The following DCAF5 variants were observed in gnomAD, a reference collection of about 807,000 sequenced individuals.
The protein encoded by DCAF5 is DDB1- and CUL4-associated factor 5.
In DCAF5, 9 loss-of-function variants were observed where a neutral mutation model predicts 80.7. The observed-to-expected ratio is 0.11, with a 90% CI of 0.07 to 0.19. The LOEUF is 0.19. Ranked by LOEUF, DCAF5 falls within the 10% of genes least tolerant of loss-of-function variation. DCAF5 has a pLI of 1.00. For missense variants in DCAF5, 842 were observed against 1,205.7 expected, an observed-to-expected ratio of 0.70 and a Z score of 4.47; for synonymous variants, 433 against 461.9, an observed-to-expected ratio of 0.94 and a Z score of 0.80.
At chr14:69,067,228 G>GTAT (rs1029674880) in intron 7 of DCAF5, among the ~76,000 whole-genome samples, 2 of 151,346 alleles carry the variant, frequency 1.3e-5, no homozygotes, top group Admixed American at 6.6e-5. Context: ...AGATGTGAGT[G>GTAT]TATTAGATGG....
chr14:69,055,315 A>C lies in DCAF5; in HGVS notation c.1371T>G (p.Thr457=). 6.2e-7 allele frequency: 1 copy of C among 1,614,176 alleles called. No homozygotes were observed. Among genetic ancestry groups the C allele is most frequent in the Non-Finnish European group, 8.5e-7 (1 of 1,180,028 alleles). ...GCAATGAGGCCGAAGACTCTGAGTC[A>C]GTGTAGCCTGAGCGCTCGCTGACCC... ...HAGVSERSGY[T]DSESSASLPR... Residue 457 remains threonine (T), a synonymous_variant, in exon 9 of 9, where the codon ACT becomes ACG. Coordinates refer to ENST00000341516, the MANE Select transcript of DCAF5 (RefSeq NM_003861.3). This position sits in a 1 kb window ranked among gnomAD's most constrained non-coding sequence, Gnocchi z 5.6.
chr14:69,105,909 A>G (rs1366951433), intron 5 of DCAF5, among the ~76,000 whole-genome samples: 1 of 89,486 alleles, frequency 1.1e-5, no homozygotes, highest in Non-Finnish European at 2.4e-5. Flanking sequence ...TCCCTAATAA[A>G]CTGTCATATA....
chr14:69,127,465 A>G (rs1275408), intron 1 of DCAF5, among the ~76,000 whole-genome samples: 37,092 of 152,140 alleles, frequency 0.24, 5,867 homozygotes, highest in Middle Eastern at 0.43. Flanking sequence ...CAAAAAGATC[A>G]CTAATTGCCA....
At chr14:69,117,481 C>T (rs920973909) in intron 4 of DCAF5, among the ~76,000 whole-genome samples, 1 of 152,170 alleles carries the variant, frequency 6.6e-6, no homozygotes, top group Non-Finnish European at 1.5e-5. Context: ...ACAATCTGCA[C>T]TAAAGGCCAC....
At chr14:69,114,430 T>C (rs1314387627) in intron 5 of DCAF5, among the ~76,000 whole-genome samples, 1 of 152,138 alleles carries the variant, frequency 6.6e-6, no homozygotes, top group Non-Finnish European at 1.5e-5. Flanking sequence ...CCAAAACATA[T>C]TGTTAATTTA....
At chr14:69,126,768 C>T (rs1345588959) in intron 1 of DCAF5, among the ~76,000 whole-genome samples, 1 of 152,132 alleles carries the variant, frequency 6.6e-6, no homozygotes, top group African/African-American at 2.4e-5. Flanking sequence ...GTATAATCAA[C>T]TGATCTTTGA....
At chr14:69,102,436 A>C (rs1360094448) in intron 5 of DCAF5, among the ~76,000 whole-genome samples, 1 of 151,846 alleles carries the variant, frequency 6.6e-6, no homozygotes, top group East Asian at 1.9e-4. Flanking sequence ...TTTACTTTAT[A>C]AACTTTTTTA....
intron 5 of DCAF5, among the ~76,000 whole-genome samples, chr14:69,111,135 G>T (rs1169707204): frequency 6.6e-6 from 1 of 152,090 alleles, no homozygotes; most frequent in African/African-American, 2.4e-5. Context: ...TAAGCCCCTG[G>T]GCTTTATTTT....
intron 7 of DCAF5, among the ~76,000 whole-genome samples, chr14:69,072,289 T>A (rs2038722882): frequency 6.6e-6 from 1 of 152,140 alleles, no homozygotes; most frequent in Admixed American, 6.6e-5. Context: ...AAGGGACTAT[T>A]GTGCTTTTAA....
chr14:69,061,123 G>C (rs573998491), intron 8 of DCAF5, among the ~76,000 whole-genome samples: 3 of 151,932 alleles, frequency 2.0e-5, no homozygotes, highest in Admixed American at 2.0e-4. Context: ...CTCAGCCTTA[G>C]CCTCCCAAGT....
chr14:69,148,643 C>G (rs1192003234), intron 1 of DCAF5, among the ~76,000 whole-genome samples: 1 of 151,974 alleles, frequency 6.6e-6, no homozygotes, highest in Admixed American at 6.6e-5. Context: ...TGCAGTGAGC[C>G]GAGATCCCGC....
chr14:69,147,013 A>G (rs1472431054), intron 1 of DCAF5, among the ~76,000 whole-genome samples: 2 of 152,138 alleles, frequency 1.3e-5, no homozygotes, highest in Non-Finnish European at 2.9e-5. Flanking sequence ...TTAACTGGCT[A>G]AAGCCAAACG....
chr14:69,084,611 A>G, intron 6 of DCAF5: 1 of 883,690 alleles, frequency 1.1e-6, no homozygotes, highest in Non-Finnish European at 1.8e-6. Context: ...TTCTGAAAAG[A>G]GATTCCTTCT....
At chr14:69,060,709 T>A (rs549806180) in intron 8 of DCAF5, among the ~76,000 whole-genome samples, 1 of 152,150 alleles carries the variant, frequency 6.6e-6, no homozygotes, top group East Asian at 1.9e-4. Flanking sequence ...TTTTTGTAGT[T>A]TTAGTAGAGA....
chr14:69,078,650 T>C (rs1594956465), intron 6 of DCAF5, among the ~76,000 whole-genome samples: 1 of 152,316 alleles, frequency 6.6e-6, no homozygotes. Context: ...CTAACTGAAA[T>C]AAGCCAGTCA....
At chr14:69,113,666 AACT>A (rs1391759776) in intron 5 of DCAF5, among the ~76,000 whole-genome samples, 3 of 152,180 alleles carry the variant, frequency 2.0e-5, no homozygotes, top group Non-Finnish European at 2.9e-5. Context: ...AACTCAGCAT[AACT>A]AATCCTACAT....
chr14:69,105,851 G>A (rs1250194706), intron 5 of DCAF5, among the ~76,000 whole-genome samples: 2 of 139,020 alleles, frequency 1.4e-5, no homozygotes, highest in Non-Finnish European at 3.1e-5. Flanking sequence ...CCATTCTTCA[G>A]CTTGCACATA....
At chr14:69,088,053 C>T (rs1327212077) in intron 6 of DCAF5, among the ~76,000 whole-genome samples, 2 of 152,168 alleles carry the variant, frequency 1.3e-5, no homozygotes, top group African/African-American at 4.8e-5. Flanking sequence ...TGAAAAAAAT[C>T]GGAGGCCCTG....
chr14:69,120,830 T>G (rs192473916), intron 2 of DCAF5, among the ~76,000 whole-genome samples: 1 of 152,206 alleles, frequency 6.6e-6, no homozygotes, highest in Non-Finnish European at 1.5e-5. Context: ...CCAATTGGAC[T>G]TGAGAACAGT....
Sources: allele counts gnomAD v4.1 joint callset (sites outside exome capture counted in the v4.1 genomes callset), GRCh38; gene constraint gnomAD v4.1.1; non-coding constraint Gnocchi (gnomAD v3.1); transcripts MANE v1.5; gene names NCBI Gene and HGNC (gene_info 2026-07-23, HGNC 2026-07-21).